Variants in JAZF1 observed in about 807,000 individuals in gnomAD.
JAZF1 encodes JAZF zinc finger 1.
JAZF1 carries 8 observed loss-of-function variants against 26.4 expected under a neutral mutation model. The observed-to-expected ratio is 0.30, with a 90% CI of 0.18 to 0.55. JAZF1 has a LOEUF of 0.55. JAZF1 is among the 20% of genes least tolerant of loss of function. JAZF1 has a pLI of 0.94. For missense variants in JAZF1, 199 were observed against 322.0 expected (o/e 0.62, Z 2.92); for synonymous variants, 126 against 122.3 (o/e 1.03, Z -0.20).
intron 2 of JAZF1, among the ~76,000 whole-genome samples, chr7:27,933,513 T>C (rs1043573019): frequency 3.3e-5 from 5 of 152,252 alleles, no homozygotes; most frequent in Non-Finnish European, 7.3e-5. Flanking sequence ...TTTGAAAAGG[T>C]GCCAACAAAA....
In JAZF1 at chr7:28,069,659, A is replaced by AGTTTCTCCT. The variant is rs1783943515; in HGVS notation, c.116-77679_116-77678insAGGAGAAAC. Among the ~76,000 whole-genome samples, 4 of 152,148 alleles carry AGTTTCTCCT rather than the reference A, an allele frequency of 2.6e-5. 1 individual carries two copies. The highest frequency in any genetic ancestry group is 9.6e-5 in the African/African-American group (4 of 41,504). On this transcript the variant is annotated intron_variant, in intron 1 of 4. Coordinates refer to ENST00000283928, the MANE Select transcript of JAZF1 (RefSeq NM_175061.4). The stretch of plus-strand genomic sequence containing the variant: ...TGCCCAACTTGGAACATACATAATG[A>AGTTTCTCCT]CCTAAGGGGGGAGAAAACTAATCTC...
chr7:28,111,895 A>T (rs1282192595), intron 1 of JAZF1, among the ~76,000 whole-genome samples: 1 of 152,232 alleles, frequency 6.6e-6, no homozygotes, highest in African/African-American at 2.4e-5. Flanking sequence ...TTCTGCAAGC[A>T]TCAGAGTTCA....
chr7:27,997,327 C>A (rs1031175418), intron 1 of JAZF1, among the ~76,000 whole-genome samples: 1 of 152,020 alleles, frequency 6.6e-6, no homozygotes. Context: ...GAGGGGAGAG[C>A]GCAGGGCTGA....
chr7:27,854,536 C>T (rs1655947707), intron 3 of JAZF1, among the ~76,000 whole-genome samples: 1 of 152,164 alleles, frequency 6.6e-6, no homozygotes, highest in Non-Finnish European at 1.5e-5. Context: ...TTAGTGCTTC[C>T]TTCAAGAGCT....
chr7:27,955,587 G>C lies in JAZF1; in HGVS notation c.188+36322C>G, dbSNP rs578123916. On this transcript the variant is annotated intron_variant, in intron 2 of 4. Transcript: ENST00000283928. ...AACAAATCGTTGTTTCGTGAAATTG[G>C]GTGCAACTGCTTACTGGGAATCACG... Among the ~76,000 whole-genome samples, 28 of 152,266 alleles carry C rather than the reference G, an allele frequency of 1.8e-4. No homozygotes were observed. The Middle Eastern group carries it at 0.01, about 55-fold the overall frequency.
At chr7:28,021,889 C>T (rs1387552264) in intron 1 of JAZF1, among the ~76,000 whole-genome samples, 1 of 152,216 alleles carries the variant, frequency 6.6e-6, no homozygotes, top group Non-Finnish European at 1.5e-5. Context: ...TGTGCTGGGT[C>T]ACTTTCAGCA....
At chr7:27,974,688 G>T (rs1160399576) in intron 2 of JAZF1, among the ~76,000 whole-genome samples, 15 of 152,182 alleles carry the variant, frequency 9.9e-5, no homozygotes, top group Admixed American at 9.8e-4. Flanking sequence ...AGTGGGCAAG[G>T]TCATGGGGAC....
intron 1 of JAZF1, among the ~76,000 whole-genome samples, chr7:28,157,185 A>C (rs1299181057): frequency 6.6e-6 from 1 of 152,194 alleles, no homozygotes; most frequent in East Asian, 1.9e-4. Flanking sequence ...TGATCTCCTC[A>C]GCACCCCCAC....
chr7:28,041,491 T>C (rs1003377810), intron 1 of JAZF1, among the ~76,000 whole-genome samples: 2 of 152,186 alleles, frequency 1.3e-5, no homozygotes, highest in African/African-American at 4.8e-5. Flanking sequence ...CAGAATTCCA[T>C]GGCCACATCT....
At chr7:28,113,016 T>C (rs1784686611) in intron 1 of JAZF1, among the ~76,000 whole-genome samples, 1 of 152,192 alleles carries the variant, frequency 6.6e-6, no homozygotes, top group South Asian at 2.1e-4. Flanking sequence ...ACAAGGGGAA[T>C]GGAGCCTGGA....
In JAZF1 at chr7:27,963,569, C is replaced by CCCTT. The variant is rs1554278421; in HGVS notation, c.188+28339_188+28340insAAGG. 2.3e-4 allele frequency among the ~76,000 whole-genome samples: 31 copies of CCCTT among 132,508 alleles called. 1 individual carries two copies. The highest frequency in any genetic ancestry group is 2.3e-4 in the African/African-American group (8 of 34,598). The allele number at this position is 132,508 out of a possible 152,430, so 86.9% of individuals were successfully genotyped here. ...TCAATGTTTGCAATTCCCCCCCCCCCTTTTTTTTTGGAGACAGGGTCTTGC... is the reference window on the plus strand; with the variant it reads ...TCAATGTTTGCAATTCCCCCCCCCCCCCTTTTTTTTTTTGGAGACAGGGTCTTGC... On this transcript the variant is annotated intron_variant, in intron 2 of 4. Transcript: ENST00000283928.
intron 1 of JAZF1, among the ~76,000 whole-genome samples, chr7:28,169,411 C>G (rs963338210): frequency 1.3e-5 from 2 of 152,164 alleles, no homozygotes; most frequent in African/African-American, 4.8e-5. Flanking sequence ...TCAGAAAGAT[C>G]TTATTAAAAG....
At chr7:28,094,228 G>A (rs956740718) in intron 1 of JAZF1, among the ~76,000 whole-genome samples, 12 of 152,144 alleles carry the variant, frequency 7.9e-5, no homozygotes, top group African/African-American at 2.7e-4. Flanking sequence ...GATCAAGAGA[G>A]GATCTAAAAG....
At chr7:28,174,599 T>C (rs1204331217) in intron 1 of JAZF1, among the ~76,000 whole-genome samples, 1 of 152,258 alleles carries the variant, frequency 6.6e-6, no homozygotes, top group Admixed American at 6.5e-5. Flanking sequence ...CTGGTGTCTG[T>C]ACATTTCGGT....
chr7:28,052,013 C>T (rs1230880980), intron 1 of JAZF1, among the ~76,000 whole-genome samples: 1 of 152,088 alleles, frequency 6.6e-6, no homozygotes, highest in Non-Finnish European at 1.5e-5. Flanking sequence ...GAGGGCAGGC[C>T]TCATGTGATG....
intron 2 of JAZF1, among the ~76,000 whole-genome samples, chr7:27,974,643 T>C (rs1166782630): frequency 4.6e-5 from 7 of 152,112 alleles, no homozygotes; most frequent in Non-Finnish European, 8.8e-5. Flanking sequence ...GAGGCACATA[T>C]TAGGTTCATC....
intron 2 of JAZF1, among the ~76,000 whole-genome samples, chr7:27,927,015 A>G (rs970119040): frequency 6.6e-6 from 1 of 152,196 alleles, no homozygotes; most frequent in Non-Finnish European, 1.5e-5. Context: ...ATGGACAGAC[A>G]TACTCCTCCC....
At chr7:28,032,583 C>A (rs1416827946) in intron 1 of JAZF1, among the ~76,000 whole-genome samples, 1 of 152,056 alleles carries the variant, frequency 6.6e-6, no homozygotes, top group East Asian at 1.9e-4. Context: ...GATCAGATAG[C>A]CTCTTCTGTT....
At chr7:28,034,372 C>T (rs140993004) in intron 1 of JAZF1, among the ~76,000 whole-genome samples, 203 of 151,354 alleles carry the variant, frequency 1.3e-3, no homozygotes, top group African/African-American at 4.7e-3. Context: ...GGGAGAAGAA[C>T]AATTGGAAGC....
Sources: gnomAD v4.1 joint callset for allele counts (sites outside exome capture counted in the v4.1 genomes callset) on GRCh38, gnomAD v4.1.1 for gene constraint, MANE v1.5 for transcripts, NCBI Gene and HGNC (gene_info 2026-07-23, HGNC 2026-07-21) for gene names.